SEL1L3: variants seen among roughly 807,000 people sequenced by gnomAD.
SEL1L3 encodes the protein protein sel-1 homolog 3.
A neutral mutation model predicts 142.8 loss-of-function variants in SEL1L3; 76 were observed. The ratio of observed to expected loss-of-function variants is 0.53; its 90% confidence interval spans 0.44 to 0.64. The LOEUF is 0.64. SEL1L3 is among the 30% of genes least tolerant of loss of function. The pLI is 0.00. For synonymous variants in SEL1L3, 504 were observed against 519.6 expected (o/e 0.97, Z 0.41); for missense variants, 1,262 against 1,381.7 (o/e 0.91, Z 1.37).
intron 20 of SEL1L3, among the ~76,000 whole-genome samples, chr4:25,761,362 G>A (rs1406553828): frequency 6.6e-6 from 1 of 152,144 alleles, no homozygotes. Context: ...CTCCATGTCA[G>A]CCAGGCTGGT....
chr4:25,745,949 C>T (rs1717248345), downstream of SEL1L3, among the ~76,000 whole-genome samples: 1 of 152,162 alleles, frequency 6.6e-6, no homozygotes, highest in Admixed American at 6.5e-5. Flanking sequence ...ACTCTCTGGC[C>T]CCTCAGACTG....
At chr4:25,716,401 G>A in the SEL1L3 span, among the ~76,000 whole-genome samples, 2 of 152,242 alleles carry the variant, frequency 1.3e-5, no homozygotes, top group African/African-American at 4.8e-5. Context: ...TTCATAGCTT[G>A]CTGGCAGGAA....
chr4:25,772,099 T>C (rs899374555), intron 17 of SEL1L3, among the ~76,000 whole-genome samples: 4 of 152,180 alleles, frequency 2.6e-5, no homozygotes, highest in African/African-American at 7.2e-5. Context: ...GCAGAATAGA[T>C]GGTACCAAAA....
chr4:25,765,702 G>C (rs1443765416), intron 19 of SEL1L3, among the ~76,000 whole-genome samples: 1 of 152,056 alleles, frequency 6.6e-6, no homozygotes, highest in African/African-American at 2.4e-5. Context: ...ACAGCGGTGA[G>C]ATCAGGGCTC....
intron 11 of SEL1L3, among the ~76,000 whole-genome samples, chr4:25,792,896 T>C (rs1161510192): frequency 6.6e-6 from 1 of 152,208 alleles, no homozygotes; most frequent in African/African-American, 2.4e-5. Flanking sequence ...CCTTGTTTTG[T>C]TTCCTCCTTG....
chr4:25,862,614 C>G (rs2109335495), intron 1 of SEL1L3, 61 bp downstream of exon 1: 1 of 976,600 alleles, frequency 1.0e-6, no homozygotes, highest in East Asian at 3.7e-5. Context: ...CCCGGCCGCC[C>G]CCACCCGCGT....
intron 2 of SEL1L3, among the ~76,000 whole-genome samples, chr4:25,837,581 C>T (rs1331565190): frequency 6.6e-6 from 1 of 151,766 alleles, no homozygotes; most frequent in African/African-American, 2.4e-5. Context: ...CCGTTTGTAC[C>T]CAACAAAACC....
At chr4:25,805,459 G>A (rs1713492260) in intron 9 of SEL1L3, among the ~76,000 whole-genome samples, 1 of 152,198 alleles carries the variant, frequency 6.6e-6, no homozygotes, top group Non-Finnish European at 1.5e-5. Context: ...CTGCTTCAAA[G>A]GTCACTAAAG....
At chr4:25,787,601 T>G (rs1711940938) in intron 13 of SEL1L3, among the ~76,000 whole-genome samples, 1 of 152,222 alleles carries the variant, frequency 6.6e-6, no homozygotes. Flanking sequence ...ATTACAGGTG[T>G]GAGCCACCGC....
intron 17 of SEL1L3, among the ~76,000 whole-genome samples, chr4:25,771,865 GACA>G (rs1369075222): frequency 6.6e-6 from 1 of 152,214 alleles, no homozygotes; most frequent in Admixed American, 6.5e-5. Flanking sequence ...CCTCAGGCAT[GACA>G]ACATTATCTT....
chr4:25,736,132 A>G, the SEL1L3 span, among the ~76,000 whole-genome samples: 1 of 150,576 alleles, frequency 6.6e-6, no homozygotes, highest in East Asian at 2.0e-4. Flanking sequence ...CCCGGCCAGT[A>G]TGTTCTAACT....
At chr4:25,755,659 C>T (rs760810570) in intron 23 of SEL1L3, among the ~76,000 whole-genome samples, 41 of 152,068 alleles carry the variant, frequency 2.7e-4, no homozygotes, top group African/African-American at 9.4e-4. Context: ...AGGAGAGACA[C>T]GGAGACAAGA....
intron 7 of SEL1L3, among the ~76,000 whole-genome samples, chr4:25,820,150 CTT>C (rs1187534971): frequency 3.3e-5 from 5 of 152,238 alleles, no homozygotes; most frequent in African/African-American, 1.2e-4. Flanking sequence ...TTCAGCTTCT[CTT>C]TGTGTCCAGC....
chr4:25,855,212 G>A (rs1269890307), intron 1 of SEL1L3, among the ~76,000 whole-genome samples: 1 of 152,236 alleles, frequency 6.6e-6, no homozygotes, highest in African/African-American at 2.4e-5. Flanking sequence ...AGTCATGTGT[G>A]TGGTTATAAG....
intron 12 of SEL1L3, among the ~76,000 whole-genome samples, chr4:25,789,657 C>T (rs775573468): frequency 6.4e-4 from 96 of 151,034 alleles, no homozygotes; most frequent in Non-Finnish European, 1.2e-3. Context: ...TTTTTTCTTT[C>T]CCTTTCCCAT....
At chr4:25,837,000 G>C (rs1277964710) in intron 2 of SEL1L3, among the ~76,000 whole-genome samples, 1 of 152,062 alleles carries the variant, frequency 6.6e-6, no homozygotes, top group Non-Finnish European at 1.5e-5. Flanking sequence ...AAATCTTCAT[G>C]GTTTGTTACA....
intron 17 of SEL1L3, among the ~76,000 whole-genome samples, chr4:25,769,361 C>T (rs543312805): frequency 2.0e-5 from 3 of 152,220 alleles, no homozygotes; most frequent in Non-Finnish European, 2.9e-5. Context: ...GGAGCCAATT[C>T]GCAGGCTCTG....
intron 17 of SEL1L3, among the ~76,000 whole-genome samples, chr4:25,772,283 AAG>A (rs1163616141): frequency 6.6e-6 from 1 of 152,196 alleles, no homozygotes; most frequent in African/African-American, 2.4e-5. Flanking sequence ...TGTTGATACT[AAG>A]AGGTTTCAAA....
intron 20 of SEL1L3, among the ~76,000 whole-genome samples, chr4:25,760,141 A>G (rs538035912): frequency 6.6e-5 from 10 of 152,166 alleles, no homozygotes; most frequent in African/African-American, 7.2e-5. Flanking sequence ...TGTTCTCATC[A>G]TTTAGCTCCC....
Sources: gnomAD v4.1 joint callset for allele counts (sites outside exome capture counted in the v4.1 genomes callset) on GRCh38, gnomAD v4.1.1 for gene constraint, MANE v1.5 for transcripts, NCBI Gene and HGNC (gene_info 2026-07-23, HGNC 2026-07-21) for gene names.